Variants in COL22A1 observed in about 807,000 individuals in gnomAD.
COL22A1 encodes collagen alpha-1(XXII) chain.
In COL22A1, 221 loss-of-function variants were observed where a neutral mutation model predicts 248.9. The observed-to-expected ratio is 0.89, with a 90% CI of 0.80 to 0.99. The LOEUF is 0.99. Ranked by LOEUF, COL22A1 falls within the 50% of genes least tolerant of loss-of-function variation. The pLI is 0.00. For synonymous variants in COL22A1, 891 were observed against 793.4 expected (o/e 1.12, Z -2.07); for missense variants, 2,240 against 2,179.0 (o/e 1.03, Z -0.56).
chr8:138,641,994 A>G (rs951157748), intron 47 of COL22A1, among the ~76,000 whole-genome samples: 2 of 152,248 alleles, frequency 1.3e-5, no homozygotes, highest in African/African-American at 4.8e-5. Flanking sequence ...TTTCAAGCCA[A>G]GAACCACAAT....
intron 9 of COL22A1, among the ~76,000 whole-genome samples, chr8:138,808,598 C>T (rs564272002): frequency 5.3e-5 from 8 of 152,172 alleles, no homozygotes; most frequent in Admixed American, 2.0e-4. Context: ...TGTACGTGTT[C>T]GATACATGTA....
intron 1 of COL22A1, among the ~76,000 whole-genome samples, chr8:138,893,934 G>T (rs1322768625): frequency 6.6e-6 from 1 of 152,200 alleles, no homozygotes; most frequent in African/African-American, 2.4e-5. Flanking sequence ...TGGAGGAGGT[G>T]ATGCCTGAGC....
chr8:138,783,101 G>A (rs1012006059), intron 12 of COL22A1, among the ~76,000 whole-genome samples: 1 of 152,116 alleles, frequency 6.6e-6, no homozygotes, highest in Non-Finnish European at 1.5e-5. Context: ...CAGAGGGGAT[G>A]TCTCCAGCAA....
intron 27 of COL22A1, among the ~76,000 whole-genome samples, chr8:138,717,273 G>A (rs945748866): frequency 1.3e-5 from 2 of 151,786 alleles, no homozygotes; most frequent in Non-Finnish European, 2.9e-5. Flanking sequence ...TCAGCCTCCC[G>A]AGTAGCTGGG....
At chr8:138,893,378 T>C (rs190627697) in intron 1 of COL22A1, among the ~76,000 whole-genome samples, 1 of 152,346 alleles carries the variant, frequency 6.6e-6, no homozygotes, top group Non-Finnish European at 1.5e-5. Context: ...ATGTCAACTC[T>C]TTGATGTATG....
intron 1 of COL22A1, among the ~76,000 whole-genome samples, chr8:138,884,150 T>C (rs1824463105): frequency 6.6e-6 from 1 of 152,162 alleles, no homozygotes; most frequent in Admixed American, 6.5e-5. Flanking sequence ...GCTCAGATGC[T>C]CCCCTTCTGG....
In COL22A1 at chr8:138,846,467, T is replaced by G. The variant is rs145179599; in HGVS notation, c.659-2309A>C. Among the ~76,000 whole-genome samples the G allele has an allele frequency of 3.2e-3, 481 of 152,318 alleles. 5 individuals are homozygous for G. Among genetic ancestry groups the G allele is most frequent in the African/African-American group, 0.011 (463 of 41,574 alleles). ...AAAGATAGAACTTGCTCAAATTGCTTTAAGAAATCTTTCTCAAAACAACCT... is the reference window on the plus strand; with the variant it reads ...AAAGATAGAACTTGCTCAAATTGCTGTAAGAAATCTTTCTCAAAACAACCT... On this transcript the variant is annotated intron_variant, in intron 3 of 64. Coordinates refer to ENST00000303045, the MANE Select transcript of COL22A1 (RefSeq NM_152888.3).
At chr8:138,778,145 T>C (rs768755306) in intron 15 of COL22A1, 2 of 644,896 alleles carry the variant, frequency 3.1e-6, no homozygotes, top group Non-Finnish European at 5.6e-6. Context: ...CCCAGGAATA[T>C]GCATTTAAAC....
intron 3 of COL22A1, among the ~76,000 whole-genome samples, chr8:138,871,866 C>A (rs1188065603): frequency 6.6e-6 from 1 of 151,972 alleles, no homozygotes; most frequent in African/African-American, 2.4e-5. Flanking sequence ...TTCAAGTGAA[C>A]CTCATAATTA....
intron 21 of COL22A1, among the ~76,000 whole-genome samples, chr8:138,752,117 G>A (rs570897817): frequency 6.6e-5 from 10 of 152,304 alleles, no homozygotes; most frequent in African/African-American, 2.4e-4. Context: ...TCTCATCTCT[G>A]AAGTGGGGAT....
At chr8:138,779,587 T>A (rs777212313) in intron 13 of COL22A1, 25 bp from the exon 14 acceptor site, 11 of 1,577,570 alleles carry the variant, frequency 7.0e-6, no homozygotes, top group Non-Finnish European at 9.6e-6. Context: ...CAACACAAAG[T>A]CATAGGCAGT....
intron 1 of COL22A1, among the ~76,000 whole-genome samples, chr8:138,910,428 T>G (rs1815373530): frequency 6.6e-6 from 1 of 152,154 alleles, no homozygotes; most frequent in South Asian, 2.1e-4. Context: ...TCCTGGTGCC[T>G]CATGAGACCT....
At position 138,616,971 on chromosome 8, in the gene COL22A1, G is replaced by T. The variant is rs1819382617; in HGVS notation, c.3826-13C>A. The T allele has an allele frequency of 3.7e-6, 6 of 1,614,174 alleles. No individual in the cohort carries two copies. The highest frequency in any genetic ancestry group is 2.5e-6 in the Non-Finnish European group (3 of 1,180,014). On this transcript the variant is annotated splice_polypyrimidine_tract_variant and intron_variant, in intron 53 of 64. Transcript: ENST00000303045. ...GTCCCTTGAAGCCCTAGAAGGAAGAGAATGGAGTTATTCCATGATAGAGCA... is the reference window on the plus strand; with the variant it reads ...GTCCCTTGAAGCCCTAGAAGGAAGATAATGGAGTTATTCCATGATAGAGCA...
chr8:138,719,395 C>T (rs1439636179), intron 27 of COL22A1, among the ~76,000 whole-genome samples: 2 of 152,072 alleles, frequency 1.3e-5, no homozygotes, highest in Non-Finnish European at 2.9e-5. Context: ...CTTATTGGTA[C>T]ACACTGGTAC....
intron 7 of COL22A1, 116 bp downstream of exon 7, chr8:138,821,020 G>T: frequency 8.6e-7 from 1 of 1,161,274 alleles, no homozygotes; most frequent in Non-Finnish European, 1.2e-6. Flanking sequence ...GACGGTCCAA[G>T]GTGATGATTT....
rs569747547 is a variant in COL22A1, at chr8:138,600,867, T to C, written c.4185+1248A>G. Among the ~76,000 whole-genome samples, 68 of 152,338 alleles carry C rather than the reference T, an allele frequency of 4.5e-4. 1 individual carries two copies. Among genetic ancestry groups the C allele is most frequent in the African/African-American group, 1.6e-3 (65 of 41,570 alleles). On this transcript the variant is annotated intron_variant, in intron 60 of 64. Transcript: ENST00000303045. The stretch of plus-strand genomic sequence containing the variant: ...AAGTCCTGATATTTGTACACCTGGA[T>C]GCTAAGGCCCTATCTCATGCATGGT...
chr8:138,600,077 T>C (rs771130023), intron 60 of COL22A1, among the ~76,000 whole-genome samples: 2 of 152,192 alleles, frequency 1.3e-5, no homozygotes, highest in Non-Finnish European at 2.9e-5. Flanking sequence ...CAACACTGCC[T>C]AGGGCTCATC....
At position 138,589,337 on chromosome 8, in the gene COL22A1, G is replaced by C. The variant is rs776786087; in HGVS notation, c.4797C>G (p.Pro1599=). Residue 1599 remains proline, a synonymous_variant, in exon 65 of 65, where the codon CCC becomes CCG. Transcript: ENST00000303045. The stretch of plus-strand genomic sequence containing the variant: ...AAGGGTCACATTGGCCTGGGGGACC[G>C]GGAGGTCCTGGGAGGCCAGGATGTC... The part of the protein sequence containing the change: ...PAGHPGLPGP[P]GPPGQCDPSQ... 31 of 1,611,770 alleles carry C rather than the reference G, an allele frequency of 1.9e-5. No individual in the cohort carries two copies. Among genetic ancestry groups the C allele is most frequent in the Middle Eastern group, 1.7e-4 (1 of 6,048 alleles).
chr8:138,807,780 G>C lies in COL22A1; in HGVS notation c.1482C>G (p.Leu494=). ...TGCCTGTACTGACCTTTGGACCAGG[G>C]AGCCCCATGGGGCCAGCAACTCCCA... ...GEMGVAGPMG[L]PGPKGDIGAI... Residue 494 remains leucine, a synonymous_variant, in exon 10 of 65, where the codon CTC becomes CTG. Transcript: ENST00000303045. 1 of 1,613,958 alleles carries C rather than the reference G, an allele frequency of 6.2e-7. No homozygotes were observed. The highest frequency in any genetic ancestry group is 8.5e-7 in the Non-Finnish European group (1 of 1,179,918).
Sources: allele counts gnomAD v4.1 joint callset (sites outside exome capture counted in the v4.1 genomes callset), GRCh38; gene constraint gnomAD v4.1.1; transcripts MANE v1.5; gene names NCBI Gene and HGNC (gene_info 2026-07-23, HGNC 2026-07-21).